Variants in HS6ST3 observed in about 807,000 individuals in gnomAD.
HS6ST3 encodes heparan sulfate 6-O-sulfotransferase 3.
HS6ST3 carries 12 observed loss-of-function variants against 36.7 expected under a neutral mutation model. The ratio of observed to expected loss-of-function variants is 0.33; its 90% CI spans 0.21 to 0.53. The LOEUF is 0.53. Ranked by LOEUF, HS6ST3 falls within the 20% of genes least tolerant of loss-of-function variation. HS6ST3 has a pLI of 0.95. For synonymous variants in HS6ST3, 240 were observed against 257.5 expected, an observed-to-expected ratio of 0.93 and a Z score of 0.65; for missense variants, 584 against 640.9, an observed-to-expected ratio of 0.91 and a Z score of 0.96.
At chr13:96,650,926 T>A (rs2056605178) in intron 1 of HS6ST3, among the ~76,000 whole-genome samples, 1 of 152,114 alleles carries the variant, frequency 6.6e-6, no homozygotes, top group African/African-American at 2.4e-5. Flanking sequence ...TGATACTACA[T>A]CACAGAAATA....
Position 96,172,792 on chromosome 13 carries a change from C to G in HS6ST3, c.707+81223C>G, listed in dbSNP as rs1283181778. Reference sequence around the variant, plus strand: ...TCTTAACCTCTAAAGGTGTTGCTTACATTGTCTTTTAATATTGAGCAAATA... The same window carrying G: ...TCTTAACCTCTAAAGGTGTTGCTTAGATTGTCTTTTAATATTGAGCAAATA... On this transcript the variant is annotated intron_variant, in intron 1 of 1. Transcript: ENST00000376705. Among the ~76,000 whole-genome samples, 5 of 152,272 alleles carry G rather than the reference C, an allele frequency of 3.3e-5. No homozygotes were observed. In the East Asian group the frequency reaches 9.6e-4, roughly 29 times the overall value.
At chr13:96,453,082 C>T (rs978016153) in intron 1 of HS6ST3, among the ~76,000 whole-genome samples, 5 of 150,328 alleles carry the variant, frequency 3.3e-5, no homozygotes, top group African/African-American at 1.2e-4. Flanking sequence ...GGATTTGTGA[C>T]ACAGCTAAGG....
intron 1 of HS6ST3, among the ~76,000 whole-genome samples, chr13:96,755,410 G>C (rs1250778514): frequency 1.3e-5 from 2 of 151,840 alleles, no homozygotes; most frequent in African/African-American, 4.8e-5. Context: ...TATCGCCCAG[G>C]CTGGAGTGCA....
At chr13:96,772,082 G>T (rs1877279302) in intron 1 of HS6ST3, among the ~76,000 whole-genome samples, 1 of 152,160 alleles carries the variant, frequency 6.6e-6, no homozygotes, top group Non-Finnish European at 1.5e-5. Flanking sequence ...TTGTGATGGG[G>T]CCAGGGTTTT....
At position 96,611,812 on chromosome 13, in the gene HS6ST3, A is replaced by T. The variant is rs373742827; in HGVS notation, c.708-220678A>T. On this transcript the variant is annotated intron_variant, in intron 1 of 1. Coordinates refer to ENST00000376705, the MANE Select transcript of HS6ST3 (RefSeq NM_153456.4). ...CTCAGGCAGAGTGAGCATGGACAGA[A>T]GGGTGGAGACAAGACTGGGGTCAAC... Among the ~76,000 whole-genome samples the T allele has an allele frequency of 7.2e-5, 11 of 152,328 alleles. No individual in the cohort carries two copies. In the East Asian group the frequency reaches 1.2e-3, roughly 16 times the overall value.
At chr13:96,673,598 T>G (rs1467901272) in intron 1 of HS6ST3, among the ~76,000 whole-genome samples, 1 of 152,148 alleles carries the variant, frequency 6.6e-6, no homozygotes, top group Non-Finnish European at 1.5e-5. Context: ...CTGTTCTCTT[T>G]TTAAAGAATT....
chr13:96,641,455 C>T (rs1594824936), intron 1 of HS6ST3, among the ~76,000 whole-genome samples: 1 of 151,752 alleles, frequency 6.6e-6, no homozygotes, highest in East Asian at 1.9e-4. Flanking sequence ...TCATATCATC[C>T]ATGAAGAAAT....
intron 1 of HS6ST3, among the ~76,000 whole-genome samples, chr13:96,632,798 T>C (rs773827964): frequency 2.0e-4 from 30 of 152,296 alleles, no homozygotes; most frequent in Non-Finnish European, 2.5e-4. Flanking sequence ...GATGGAACTT[T>C]GATAGTTCAG....
rs1298071913 is a variant in HS6ST3 at position 96,759,851 on chromosome 13, T to G, written c.708-72639T>G. Among the ~76,000 whole-genome samples, 5 of 151,968 alleles carry G rather than the reference T, an allele frequency of 3.3e-5. No homozygotes were observed. In the East Asian group the frequency reaches 9.6e-4, roughly 29 times the overall value. ...TGTTACCAACCATGGATGTGAAGGG[T>G]CTATCCTAATAATTGATTCTTAGCT... On this transcript the variant is annotated intron_variant, in intron 1 of 1. Coordinates refer to ENST00000376705, the MANE Select transcript of HS6ST3 (RefSeq NM_153456.4).
intron 1 of HS6ST3, among the ~76,000 whole-genome samples, chr13:96,363,112 G>T (rs2055246464): frequency 2.0e-5 from 3 of 151,944 alleles, no homozygotes; most frequent in Admixed American, 6.6e-5. Flanking sequence ...ACATGTGATC[G>T]AATTGCATAG....
intron 1 of HS6ST3, among the ~76,000 whole-genome samples, chr13:96,225,380 A>C (rs1437227752): frequency 6.6e-6 from 1 of 152,246 alleles, no homozygotes; most frequent in African/African-American, 2.4e-5. Context: ...AAAGTCCACA[A>C]GTTAGGAAAC....
intron 1 of HS6ST3, among the ~76,000 whole-genome samples, chr13:96,357,554 A>G (rs1220571464): frequency 6.6e-6 from 1 of 150,616 alleles, no homozygotes; most frequent in Non-Finnish European, 1.5e-5. Flanking sequence ...TTCCTGATTA[A>G]GTTCACCATC....
chr13:96,774,287 C>T (rs1438307956), intron 1 of HS6ST3, among the ~76,000 whole-genome samples: 2 of 152,124 alleles, frequency 1.3e-5, no homozygotes, highest in Non-Finnish European at 2.9e-5. Context: ...CAAAGGATCA[C>T]AACTCCTTGC....
chr13:96,260,497 T>C (rs2054660305), intron 1 of HS6ST3, among the ~76,000 whole-genome samples: 1 of 151,266 alleles, frequency 6.6e-6, no homozygotes, highest in Admixed American at 6.6e-5. Context: ...ATATTTTTAC[T>C]AGAGACGGGG....
At chr13:96,659,320 T>G (rs2056638246) in intron 1 of HS6ST3, among the ~76,000 whole-genome samples, 1 of 152,158 alleles carries the variant, frequency 6.6e-6, no homozygotes. Flanking sequence ...TGTTGCAGAG[T>G]GTCTTCAAAT....
At chr13:96,816,393 C>T (rs752391649) in intron 1 of HS6ST3, among the ~76,000 whole-genome samples, 6 of 152,186 alleles carry the variant, frequency 3.9e-5, no homozygotes, top group Non-Finnish European at 8.8e-5. Context: ...GTTTGGTTCA[C>T]GTTGTACTGG....
intron 1 of HS6ST3, among the ~76,000 whole-genome samples, chr13:96,737,048 A>G (rs978170322): frequency 6.6e-6 from 1 of 152,162 alleles, no homozygotes; most frequent in Non-Finnish European, 1.5e-5. Context: ...ATAAAAACAG[A>G]TTTTAATTAT....
chr13:96,804,310 T>A (rs982918758), intron 1 of HS6ST3, among the ~76,000 whole-genome samples: 3 of 152,058 alleles, frequency 2.0e-5, no homozygotes, highest in Admixed American at 2.0e-4. Context: ...CAGCCCCAAA[T>A]GTCCTTTACG....
chr13:96,691,635 TTC>T, intron 1 of HS6ST3, among the ~76,000 whole-genome samples: 1 of 151,912 alleles, frequency 6.6e-6, no homozygotes, highest in South Asian at 2.1e-4. Context: ...TTCCCTTCCC[TTC>T]CCTTCCCTTC....
Sources: gnomAD v4.1 joint callset for allele counts (sites outside exome capture counted in the v4.1 genomes callset) on GRCh38, gnomAD v4.1.1 for gene constraint, MANE v1.5 for transcripts, NCBI Gene and HGNC (gene_info 2026-07-23, HGNC 2026-07-21) for gene names.